Variants in NT5M observed in about 807,000 individuals in gnomAD.
The protein encoded by NT5M is 5',3'-nucleotidase, mitochondrial.
In NT5M, 22 loss-of-function variants were observed where a neutral mutation model predicts 22.2. The observed-to-expected ratio is 0.99, with a 90% CI of 0.71 to 1.41. NT5M has a LOEUF of 1.41. Among genes scored for constraint, NT5M ranks in the 40% most tolerant of loss-of-function variants. The pLI is 0.00. For missense variants in NT5M, 322 were observed against 314.8 expected (o/e 1.02, Z -0.17); for synonymous variants, 167 against 133.0 (o/e 1.26, Z -1.76).
At chr17:17,346,697 A>G (rs1385782813) in intron 4 of NT5M, 108 bp from the exon 5 acceptor site, 2 of 1,370,736 alleles carry the variant, frequency 1.5e-6, no homozygotes, top group Non-Finnish European at 2.0e-6. Context: ...TACAGAGGAA[A>G]CAAGTTTTGG....
At chr17:17,344,697 C>T (rs1416085815) in intron 3 of NT5M, 97 bp from the exon 4 acceptor site, 6 of 1,433,812 alleles carry the variant, frequency 4.2e-6, no homozygotes, top group Non-Finnish European at 5.7e-6. Context: ...TGCCTGTTAG[C>T]TGAGGTCTAG....
In NT5M at chr17:17,344,822, C is replaced by T. The variant is rs760380788; in HGVS notation, c.458C>T (p.Pro153Leu). 6.2e-7 allele frequency: 1 copy of T among 1,614,184 alleles called. No homozygotes were observed. The highest frequency in any genetic ancestry group is 2.2e-5 in the East Asian group (1 of 44,888). ...GCCTGGGTGGAGAAGTACTTTGGCC[C>T]TGACTTTCTGGAGCAGATTGTGCTG... ...KYAWVEKYFG[P>L]DFLEQIVLTR... Residue 153 changes from proline to leucine, a missense_variant, in exon 4 of 5, where the codon CCT (proline) becomes CTT (leucine). Transcript: ENST00000389022.
chr17:17,334,279 A>G (rs1351339033), intron 3 of NT5M, among the ~76,000 whole-genome samples: 1 of 150,438 alleles, frequency 6.6e-6, no homozygotes, highest in Non-Finnish European at 1.5e-5. Flanking sequence ...TTTTGAGTTA[A>G]TTATCATATA....
chr17:17,306,534 A>G lies in NT5M; in HGVS notation c.268-9A>G, dbSNP rs770333954. On this transcript the variant is annotated splice_polypyrimidine_tract_variant and intron_variant, in intron 1 of 4. Coordinates refer to ENST00000389022, the MANE Select transcript of NT5M (RefSeq NM_020201.4). ...CCCTGGAAGTAACTTGCTTTTCTCA[A>G]CTTCTCAGGAGAAGGCCATCAGCAT... 3.1e-6 allele frequency: 5 copies of G among 1,609,426 alleles called. No individual in the cohort carries two copies. The highest frequency in any genetic ancestry group is 2.7e-5 in the African/African-American group (2 of 74,784).
intron 3 of NT5M, among the ~76,000 whole-genome samples, chr17:17,328,899 GGTA>G (rs2049316502): frequency 6.6e-6 from 1 of 152,158 alleles, no homozygotes; most frequent in South Asian, 2.1e-4. Context: ...TAGCCAAGCT[GGTA>G]GTATACGTCT....
chr17:17,308,601 AAG>A (rs1353321119), intron 2 of NT5M, among the ~76,000 whole-genome samples: 5 of 152,206 alleles, frequency 3.3e-5, no homozygotes, highest in Admixed American at 1.3e-4. Flanking sequence ...CAAAAAAAAA[AAG>A]AGACATACCG....
At chr17:17,345,306 A>G in intron 4 of NT5M, 1 of 1,004,978 alleles carries the variant, frequency 1.0e-6, no homozygotes, top group African/African-American at 1.7e-5. Flanking sequence ...GAGCTCCTGC[A>G]GGGAAGGTGG....
At chr17:17,316,481 T>A (rs1004086132) in intron 2 of NT5M, among the ~76,000 whole-genome samples, 44 of 151,958 alleles carry the variant, frequency 2.9e-4, no homozygotes, top group African/African-American at 1.0e-3. Flanking sequence ...GTTCAAGTGA[T>A]TCTCCTGCCT....
chr17:17,314,945 C>T (rs1029438969), intron 2 of NT5M, among the ~76,000 whole-genome samples: 1 of 152,146 alleles, frequency 6.6e-6, no homozygotes, highest in African/African-American at 2.4e-5. Context: ...AGTGTGTACT[C>T]TAAGCTGAAA....
At chr17:17,345,229 A>G in intron 4 of NT5M, 2 of 1,125,136 alleles carry the variant, frequency 1.8e-6, no homozygotes, top group East Asian at 5.2e-5. Flanking sequence ...TGTTTTTAGC[A>G]ACAAAACCCA....
In NT5M at chr17:17,320,589, C is replaced by T. The variant is rs527890881; in HGVS notation, c.369-2596C>T. Among the ~76,000 whole-genome samples, 9 of 152,276 alleles carry T rather than the reference C, an allele frequency of 5.9e-5. No homozygotes were observed. The East Asian group carries it at 1.7e-3, about 29-fold the overall frequency. On this transcript the variant is annotated intron_variant, in intron 2 of 4. Transcript: ENST00000389022. ...GACACGCTTTAGGAGTAGGGGATCA[C>T]GTTTCCCACGTTGGAAATCCTGTGT...
chr17:17,342,417 C>T (rs191286016), intron 3 of NT5M, among the ~76,000 whole-genome samples: 2 of 152,106 alleles, frequency 1.3e-5, no homozygotes, highest in African/African-American at 2.4e-5. Flanking sequence ...AGAGTGGCGC[C>T]GGTCCGAGAT....
At chr17:17,332,476 C>G (rs1334694176) in intron 3 of NT5M, among the ~76,000 whole-genome samples, 2 of 152,118 alleles carry the variant, frequency 1.3e-5, no homozygotes, top group Non-Finnish European at 2.9e-5. Context: ...AGAGCGCCTC[C>G]CCTGGGAGTC....
chr17:17,323,370 C>T (rs1372928758), intron 3 of NT5M, 125 bp downstream of exon 3: 4 of 808,168 alleles, frequency 4.9e-6, no homozygotes, highest in Non-Finnish European at 8.6e-6. Flanking sequence ...GTGACAGCGG[C>T]TTTCTGCTCC....
intron 3 of NT5M, among the ~76,000 whole-genome samples, chr17:17,339,297 G>A (rs1419720479): frequency 1.3e-5 from 2 of 151,042 alleles, no homozygotes; most frequent in African/African-American, 2.4e-5. Flanking sequence ...GTTTTTTTCA[G>A]GATTGTTCCT....
At chr17:17,323,282 A>G (rs1197406994) in intron 3 of NT5M, 37 bp downstream of exon 3, 23 of 1,553,528 alleles carry the variant, frequency 1.5e-5, no homozygotes, top group Non-Finnish European at 2.0e-5. Context: ...CCCTTACCCC[A>G]TGCATCACAG....
At chr17:17,305,351 G>A (rs1422685868) in intron 1 of NT5M, among the ~76,000 whole-genome samples, 1 of 149,830 alleles carries the variant, frequency 6.7e-6, no homozygotes, top group Non-Finnish European at 1.5e-5. Flanking sequence ...GGACATCCCT[G>A]GGCCTACCCC....
chr17:17,344,295 T>C (rs1330639492), intron 3 of NT5M, among the ~76,000 whole-genome samples: 6 of 152,222 alleles, frequency 3.9e-5, no homozygotes, highest in African/African-American at 9.6e-5. Flanking sequence ...CCAGGTGTTA[T>C]GTAACCATTG....
chr17:17,342,046 AAATT>A (rs2049654508), intron 3 of NT5M, among the ~76,000 whole-genome samples: 1 of 152,216 alleles, frequency 6.6e-6, no homozygotes, highest in Non-Finnish European at 1.5e-5. Context: ...AGAAAAAAAA[AAATT>A]AACCCCAAAT....
Sources: gnomAD v4.1 joint callset for allele counts (sites outside exome capture counted in the v4.1 genomes callset) on GRCh38, gnomAD v4.1.1 for gene constraint, MANE v1.5 for transcripts, NCBI Gene and HGNC (gene_info 2026-07-23, HGNC 2026-07-21) for gene names.